KLHL32: variants seen among roughly 807,000 people sequenced by gnomAD.
The protein encoded by KLHL32 is kelch like family member 32.
KLHL32 carries 35 observed loss-of-function variants against 64.8 expected under a neutral mutation model. The observed-to-expected ratio is 0.54, with a 90% confidence interval of 0.41 to 0.72. KLHL32 has a LOEUF of 0.72. Ranked by LOEUF, KLHL32 falls within the 30% of genes least tolerant of loss-of-function variation. KLHL32 has a pLI of 0.00. For missense variants in KLHL32, 589 were observed against 768.5 expected, an observed-to-expected ratio of 0.77 and a Z score of 2.76; for synonymous variants, 259 against 281.0, an observed-to-expected ratio of 0.92 and a Z score of 0.78.
chr6:97,100,966 C>CTTTTTTTTTTTTTTTT lies in KLHL32; in HGVS notation c.628-12811_628-12796dup, dbSNP rs58422496. Reference sequence around the variant, plus strand: ...ACAGGCATGTGCCACTGCAGCCAAGCTTTTTTTTTTTTTTTTTTTTTGGTA... The same window carrying CTTTTTTTTTTTTTTTT: ...ACAGGCATGTGCCACTGCAGCCAAGCTTTTTTTTTTTTTTTTTTTTTTTTTTTTTTTTTTTTTGGTA... On this transcript the variant is annotated intron_variant, in intron 6 of 10. Coordinates refer to ENST00000369261, the MANE Select transcript of KLHL32 (RefSeq NM_052904.4). 1.4e-4 allele frequency among the ~76,000 whole-genome samples: 10 copies of CTTTTTTTTTTTTTTTT among 69,476 alleles called. 4 individuals are homozygous for CTTTTTTTTTTTTTTTT. The highest frequency in any genetic ancestry group is 5.7e-4 in the African/African-American group (8 of 14,100). The allele number at this position is 69,476 out of a possible 152,430, so 45.6% of individuals were successfully genotyped here.
intron 3 of KLHL32, among the ~76,000 whole-genome samples, chr6:97,029,951 T>C: frequency 6.6e-6 from 1 of 152,222 alleles, no homozygotes; most frequent in South Asian, 2.1e-4. Flanking sequence ...ATGTAATGGA[T>C]CTACTGTAAT....
At chr6:97,104,697 G>A (rs1796166009) in intron 6 of KLHL32, among the ~76,000 whole-genome samples, 1 of 152,168 alleles carries the variant, frequency 6.6e-6, no homozygotes, top group African/African-American at 2.4e-5. Flanking sequence ...TGAAAGATCT[G>A]TCTTACAAGG....
chr6:96,936,819 C>T (rs1247134594), intron 1 of KLHL32, among the ~76,000 whole-genome samples: 1 of 152,168 alleles, frequency 6.6e-6, no homozygotes, highest in East Asian at 1.9e-4. Flanking sequence ...CTTGCCCATT[C>T]CTGCCTTAGA....
intron 1 of KLHL32, among the ~76,000 whole-genome samples, chr6:96,939,361 A>T (rs1475452055): frequency 6.6e-6 from 1 of 152,236 alleles, no homozygotes; most frequent in Non-Finnish European, 1.5e-5. Flanking sequence ...GGTGAGGAAG[A>T]TAGTCAGGAA....
chr6:96,985,997 G>C lies in KLHL32; in HGVS notation c.204+9820G>C, dbSNP rs571490195. Among the ~76,000 whole-genome samples the C allele has an allele frequency of 1.4e-4, 22 of 152,236 alleles. No individual in the cohort carries two copies. The South Asian group carries it at 3.5e-3, about 24-fold the overall frequency. On this transcript the variant is annotated intron_variant, in intron 3 of 10. Transcript: ENST00000369261. ...TCTGCTCTGTTTTTTCCCTATCTTT[G>C]TGGATTTATCTACCTTTGGTCTTTG... is the stretch of plus-strand genomic sequence containing the variant.
chr6:97,027,587 AGT>A (rs1313241374), intron 3 of KLHL32, among the ~76,000 whole-genome samples: 1 of 152,254 alleles, frequency 6.6e-6, no homozygotes, highest in East Asian at 1.9e-4. Context: ...AAAGGGAGAC[AGT>A]GTGAAAGATT....
At chr6:97,010,067 C>A (rs1780171102) in intron 3 of KLHL32, 1 of 129,832 alleles carries the variant, frequency 7.7e-6, no homozygotes, top group African/African-American at 2.9e-5. Context: ...ATGGCCCAAA[C>A]AAGCTACTGG....
intron 1 of KLHL32, among the ~76,000 whole-genome samples, chr6:96,957,294 T>G (rs1397666622): frequency 6.6e-6 from 1 of 152,214 alleles, no homozygotes; most frequent in Admixed American, 6.5e-5. Context: ...ATATTTTCTA[T>G]TTGCTAAAAG....
At chr6:96,917,585 A>G in the KLHL32 span, among the ~76,000 whole-genome samples, 4 of 152,158 alleles carry the variant, frequency 2.6e-5, no homozygotes, top group East Asian at 7.7e-4. Flanking sequence ...TTCTTCACAG[A>G]GGAGGCAATC....
the KLHL32 span, among the ~76,000 whole-genome samples, chr6:96,916,644 A>T: frequency 4.6e-5 from 7 of 152,188 alleles, no homozygotes; most frequent in Non-Finnish European, 7.3e-5. Flanking sequence ...CTGTGCACAT[A>T]AAAATTAGAA....
chr6:97,135,699 T>C (rs773871974), intron 10 of KLHL32, among the ~76,000 whole-genome samples: 5 of 152,212 alleles, frequency 3.3e-5, no homozygotes, highest in African/African-American at 7.2e-5. Context: ...TATTCATGGA[T>C]AGTGACATGT....
In KLHL32 at chr6:97,085,188, G is replaced by A. The variant is rs1793209857; in HGVS notation, c.474G>A (p.Leu158=). ...TTGCTGACCTCTTTAACCTCACTTTGTTGGAGAAGGCAGTGATCGATTTCT... is the reference window on the plus strand; with the variant it reads ...TTGCTGACCTCTTTAACCTCACTTTATTGGAGAAGGCAGTGATCGATTTCT... ...YRLADLFNLT[L]LEKAVIDFLV... is the part of the protein sequence containing the mutation. The change falls in exon 6 of 11, where the codon TTG becomes TTA. Residue 158 remains leucine, a synonymous_variant. Coordinates refer to ENST00000369261, the MANE Select transcript of KLHL32 (RefSeq NM_052904.4). The A allele has an allele frequency of 1.2e-6, 2 of 1,613,932 alleles. No homozygotes were observed. The highest frequency in any genetic ancestry group is 2.7e-5 in the African/African-American group (2 of 74,984).
intron 7 of KLHL32, among the ~76,000 whole-genome samples, chr6:97,124,196 C>A (rs1404774839): frequency 6.6e-6 from 1 of 152,162 alleles, no homozygotes; most frequent in Non-Finnish European, 1.5e-5. Context: ...CAAGGTTTTT[C>A]TTTGCAATCC....
At chr6:97,111,120 C>T (rs1374902353) in intron 6 of KLHL32, among the ~76,000 whole-genome samples, 1 of 152,114 alleles carries the variant, frequency 6.6e-6, no homozygotes, top group Non-Finnish European at 1.5e-5. Flanking sequence ...GTGGCCTTGG[C>T]CAGATGCCTT....
chr6:97,031,519 G>A lies in KLHL32; in HGVS notation c.205-9973G>A, dbSNP rs1562261446. Among the ~76,000 whole-genome samples the A allele has an allele frequency of 2.0e-5, 3 of 151,866 alleles. 1 individual carries two copies. The East Asian group carries it at 5.8e-4, about 29-fold the overall frequency. ...CTCAGCTAATTTTTTTTTATTGTTT[G>A]TAGAGATAGGGTCTTCCTATGTTGC... On this transcript the variant is annotated intron_variant, in intron 3 of 10. Transcript: ENST00000369261.
At chr6:97,001,878 T>C (rs1290882960) in intron 3 of KLHL32, among the ~76,000 whole-genome samples, 1 of 152,196 alleles carries the variant, frequency 6.6e-6, no homozygotes, top group African/African-American at 2.4e-5. Flanking sequence ...TAGACGTATG[T>C]ATATGCCTAA....
chr6:97,071,164 C>G (rs1447628034), intron 5 of KLHL32, among the ~76,000 whole-genome samples: 3 of 152,160 alleles, frequency 2.0e-5, no homozygotes, highest in African/African-American at 7.2e-5. Flanking sequence ...CCAGTGTCTT[C>G]ACTCCTTACC....
At chr6:96,979,192 G>T (rs1011763526) in intron 3 of KLHL32, among the ~76,000 whole-genome samples, 2 of 152,114 alleles carry the variant, frequency 1.3e-5, no homozygotes, top group African/African-American at 4.8e-5. Flanking sequence ...TGCTTTTGGT[G>T]TCTTTGTCAT....
chr6:96,965,007 T>C (rs1376181213), intron 1 of KLHL32, among the ~76,000 whole-genome samples: 1 of 152,184 alleles, frequency 6.6e-6, no homozygotes, highest in Non-Finnish European at 1.5e-5. Flanking sequence ...CCAGTCCCCT[T>C]CTAGTTGTCC....
Sources: gnomAD v4.1 joint callset for allele counts (sites outside exome capture counted in the v4.1 genomes callset) on GRCh38, gnomAD v4.1.1 for gene constraint, MANE v1.5 for transcripts, NCBI Gene and HGNC (gene_info 2026-07-23, HGNC 2026-07-21) for gene names.